ROBO2: variants seen among roughly 807,000 people sequenced by gnomAD.
The protein encoded by ROBO2 is roundabout guidance receptor 2.
A neutral mutation model predicts 160.8 loss-of-function variants in ROBO2; 53 were observed. The ratio of observed to expected loss-of-function variants is 0.33; its 90% CI spans 0.26 to 0.41. The LOEUF (loss-of-function observed/expected upper bound fraction) is 0.41. Ranked by LOEUF, ROBO2 falls within the 10% of genes least tolerant of loss-of-function variation. ROBO2 has a pLI of 1.00. For synonymous variants in ROBO2, 664 were observed against 611.7 expected (o/e 1.09, Z -1.26); for missense variants, 1,577 against 1,722.4 (o/e 0.92, Z 1.49).
intron 2 of ROBO2, among the ~76,000 whole-genome samples, chr3:76,938,516 G>GCT (rs922353518): frequency 5.3e-5 from 8 of 151,226 alleles, no homozygotes; most frequent in South Asian, 2.1e-4. Flanking sequence ...CTGGTGATCT[G>GCT]CTCTCTCTCT....
chr3:76,544,553 C>T (rs1383880627), intron 2 of ROBO2, among the ~76,000 whole-genome samples: 4 of 152,000 alleles, frequency 2.6e-5, no homozygotes, highest in East Asian at 1.9e-4. Flanking sequence ...TACACTTATA[C>T]ATACCAAATT....
intron 2 of ROBO2, among the ~76,000 whole-genome samples, chr3:76,702,421 G>A (rs762688076): frequency 6.6e-6 from 1 of 151,830 alleles, no homozygotes; most frequent in Non-Finnish European, 1.5e-5. Context: ...AACATAGGGG[G>A]AAAAATCAAT....
At chr3:77,449,129 G>T (rs188701167) in intron 2 of ROBO2, among the ~76,000 whole-genome samples, 25 of 151,910 alleles carry the variant, frequency 1.6e-4, no homozygotes, top group Admixed American at 1.0e-3. Flanking sequence ...CATAAAACAT[G>T]GAATTAGTTT....
chr3:76,126,570 A>G (rs1202825591), intron 2 of ROBO2, among the ~76,000 whole-genome samples: 1 of 152,180 alleles, frequency 6.6e-6, no homozygotes. Flanking sequence ...TGTTCCTTAA[A>G]GCAAGAAAAG....
intron 2 of ROBO2, among the ~76,000 whole-genome samples, chr3:76,701,934 T>C (rs1355919215): frequency 6.6e-6 from 1 of 151,938 alleles, no homozygotes; most frequent in Non-Finnish European, 1.5e-5. Flanking sequence ...GCTCTTCATT[T>C]ATTCAGACTT....
intron 2 of ROBO2, among the ~76,000 whole-genome samples, chr3:76,616,898 C>T (rs1047578621): frequency 7.9e-5 from 12 of 152,224 alleles, no homozygotes; most frequent in African/African-American, 2.9e-4. Context: ...GTAGCTGTGA[C>T]TACAGGCATG....
chr3:76,345,497 T>C (rs572369270), intron 2 of ROBO2, among the ~76,000 whole-genome samples: 164 of 151,546 alleles, frequency 1.1e-3, no homozygotes, highest in African/African-American at 3.8e-3. Context: ...AAAACTATTA[T>C]TCCTGGTTGA....
At chr3:75,923,528 G>A in intron 1 of ROBO2, among the ~76,000 whole-genome samples, 1 of 152,112 alleles carries the variant, frequency 6.6e-6, no homozygotes, top group Admixed American at 6.5e-5. Context: ...GCATACTAAG[G>A]TGGCAAGTCC....
At chr3:77,142,383 T>C (rs2076775780) in intron 2 of ROBO2, among the ~76,000 whole-genome samples, 1 of 152,212 alleles carries the variant, frequency 6.6e-6, no homozygotes, top group Admixed American at 6.5e-5. Flanking sequence ...TAAGAACACG[T>C]ACACTGACGT....
chr3:76,539,234 A>G (rs910707590), intron 2 of ROBO2, among the ~76,000 whole-genome samples: 5 of 152,074 alleles, frequency 3.3e-5, no homozygotes, highest in African/African-American at 1.2e-4. Flanking sequence ...TAGGATAAAT[A>G]TGTAATGCAT....
chr3:76,030,044 T>G (rs575722812), intron 2 of ROBO2, among the ~76,000 whole-genome samples: 172 of 152,300 alleles, frequency 1.1e-3, no homozygotes, highest in African/African-American at 1.9e-3. Flanking sequence ...CCTGACTTTT[T>G]AATGATTGCC....
intron 2 of ROBO2, among the ~76,000 whole-genome samples, chr3:76,733,365 T>C (rs2093664727): frequency 6.6e-6 from 1 of 152,180 alleles, no homozygotes; most frequent in South Asian, 2.1e-4. Context: ...AGAAATATAT[T>C]GTACATGCTG....
At chr3:76,297,815 G>A (rs558090065) in intron 2 of ROBO2, among the ~76,000 whole-genome samples, 10 of 150,526 alleles carry the variant, frequency 6.6e-5, no homozygotes, top group Non-Finnish European at 3.0e-5. Flanking sequence ...AGTGTGTTTA[G>A]AAGAGAAACT....
At chr3:76,211,035 GA>G (rs1452820372) in intron 2 of ROBO2, among the ~76,000 whole-genome samples, 3 of 151,976 alleles carry the variant, frequency 2.0e-5, no homozygotes, top group Non-Finnish European at 4.4e-5. Context: ...GAGTGACGTA[GA>G]AAAAAATTCA....
intron 2 of ROBO2, among the ~76,000 whole-genome samples, chr3:76,128,975 GA>G (rs1162407955): frequency 2.6e-5 from 4 of 151,484 alleles, no homozygotes; most frequent in Admixed American, 6.6e-5. Context: ...GGACTTTAGG[GA>G]ATTTACAGAT....
chr3:76,831,896 C>A (rs2109328460), intron 2 of ROBO2, among the ~76,000 whole-genome samples: 1 of 152,226 alleles, frequency 6.6e-6, no homozygotes, highest in South Asian at 2.1e-4. Flanking sequence ...GAAGATATGT[C>A]CTGACTGACT....
intron 2 of ROBO2, among the ~76,000 whole-genome samples, chr3:76,175,695 C>A (rs141851960): frequency 0.01 from 1,550 of 152,134 alleles, 9 homozygotes; most frequent in South Asian, 0.017. Flanking sequence ...TTTATTTATA[C>A]CTTGAGTCAA....
intron 2 of ROBO2, among the ~76,000 whole-genome samples, chr3:76,487,694 G>A (rs1157761472): frequency 2.0e-5 from 3 of 151,940 alleles, no homozygotes; most frequent in African/African-American, 7.3e-5. Context: ...CAGCTGCAGC[G>A]ATAGACTCAT....
At chr3:76,062,232 T>C (rs2068091719) in intron 2 of ROBO2, among the ~76,000 whole-genome samples, 1 of 152,194 alleles carries the variant, frequency 6.6e-6, no homozygotes, top group Non-Finnish European at 1.5e-5. Context: ...ATAACTGATT[T>C]TTGGGTGCAA....
Sources: gnomAD v4.1 joint callset for allele counts (sites outside exome capture counted in the v4.1 genomes callset) on GRCh38, gnomAD v4.1.1 for gene constraint, MANE v1.5 for transcripts, NCBI Gene and HGNC (gene_info 2026-07-23, HGNC 2026-07-21) for gene names.